PLD5: variants seen among roughly 807,000 people sequenced by gnomAD.
PLD5 encodes the protein inactive phospholipase D5.
PLD5 carries 36 observed loss-of-function variants against 61.1 expected under a neutral mutation model. The observed-to-expected ratio is 0.59, with a 90% CI of 0.45 to 0.78. The LOEUF is 0.78. PLD5 is among the 30% of genes least tolerant of loss of function. The pLI is 0.00. For missense variants in PLD5, 515 were observed against 644.4 expected, an observed-to-expected ratio of 0.80 and a Z score of 2.17; for synonymous variants, 243 against 242.8, an observed-to-expected ratio of 1.00 and a Z score of -0.01.
At chr1:242,247,131 C>G (rs34760105) in intron 4 of PLD5, among the ~76,000 whole-genome samples, 1 of 151,950 alleles carries the variant, frequency 6.6e-6, no homozygotes, top group African/African-American at 2.4e-5. Context: ...CTACAGGCGC[C>G]CGCCACCATG....
intron 1 of PLD5, among the ~76,000 whole-genome samples, chr1:242,450,374 A>G (rs747825936): frequency 6.6e-6 from 1 of 152,180 alleles, no homozygotes; most frequent in Non-Finnish European, 1.5e-5. Context: ...GGCAGCATCT[A>G]TTCCACTCTA....
At chr1:242,227,428 G>A (rs1245310161) in intron 4 of PLD5, among the ~76,000 whole-genome samples, 10 of 152,000 alleles carry the variant, frequency 6.6e-5, no homozygotes, top group African/African-American at 1.4e-4. Context: ...GCAGTGGTGC[G>A]ATCTTGGCTC....
At chr1:242,408,131 A>G (rs1180044984) in intron 1 of PLD5, among the ~76,000 whole-genome samples, 1 of 152,178 alleles carries the variant, frequency 6.6e-6, no homozygotes. Context: ...AAAAGCATAC[A>G]TTGTGTGGAA....
intron 1 of PLD5, among the ~76,000 whole-genome samples, chr1:242,411,906 T>C (rs10926729): frequency 0.44 from 66,143 of 151,370 alleles, 15,817 homozygotes; most frequent in African/African-American, 0.64. Flanking sequence ...AAGAGGTTCT[T>C]GGGAGGTTTA....
chr1:242,405,877 C>T (rs1414380121), intron 1 of PLD5, among the ~76,000 whole-genome samples: 2 of 151,998 alleles, frequency 1.3e-5, no homozygotes, highest in Admixed American at 6.6e-5. Flanking sequence ...GCTGGGATTA[C>T]AGGTGTGAGC....
At chr1:242,100,112 C>G (rs1376943440) in intron 9 of PLD5, among the ~76,000 whole-genome samples, 1 of 152,204 alleles carries the variant, frequency 6.6e-6, no homozygotes, top group African/African-American at 2.4e-5. Context: ...TTTGTCTCTT[C>G]TACACTTCAC....
At chr1:242,458,579 G>A (rs1267303128) in intron 1 of PLD5, among the ~76,000 whole-genome samples, 1 of 152,218 alleles carries the variant, frequency 6.6e-6, no homozygotes, top group African/African-American at 2.4e-5. Context: ...TGGAGAAAGT[G>A]TTATAAGTAA....
intron 1 of PLD5, among the ~76,000 whole-genome samples, chr1:242,481,659 C>G (rs1246789988): frequency 2.6e-5 from 4 of 152,212 alleles, no homozygotes; most frequent in Admixed American, 1.3e-4. Context: ...CAAAAGGCAG[C>G]AGAAACGTCT....
intron 1 of PLD5, among the ~76,000 whole-genome samples, chr1:242,494,491 C>A (rs1377886927): frequency 6.6e-6 from 1 of 152,134 alleles, no homozygotes; most frequent in Non-Finnish European, 1.5e-5. Flanking sequence ...TCTGTCCCTA[C>A]GGCCTGGATC....
intron 2 of PLD5, among the ~76,000 whole-genome samples, chr1:242,295,100 T>G (rs1194988096): frequency 2.6e-5 from 4 of 152,110 alleles, no homozygotes; most frequent in African/African-American, 7.2e-5. Flanking sequence ...CAAAGTCAAG[T>G]GATGGGGTTT....
upstream of PLD5, among the ~76,000 whole-genome samples, chr1:242,525,069 C>T (rs1358661401): frequency 6.6e-6 from 1 of 151,696 alleles, no homozygotes; most frequent in African/African-American, 2.4e-5. Context: ...GCCCCCGGCT[C>T]GCTTGGGCTG....
At chr1:242,129,644 T>C (rs1056048096) in intron 5 of PLD5, among the ~76,000 whole-genome samples, 3 of 152,360 alleles carry the variant, frequency 2.0e-5, no homozygotes, top group Middle Eastern at 3.4e-3. Flanking sequence ...TGACAAATTC[T>C]TAATTTTTAA....
rs542888791 is a variant in PLD5, at chr1:242,194,669, C to T, written c.735+25319G>A. Among the ~76,000 whole-genome samples the T allele has an allele frequency of 4.9e-3, 447 of 91,400 alleles. 3 individuals are homozygous for T. Among genetic ancestry groups the T allele is most frequent in the African/African-American group, 0.015 (417 of 27,188 alleles). 60.0% of individuals were successfully genotyped at this position (91,400 alleles called of 152,430 possible). A position where few individuals can be genotyped will look rare whatever the true frequency, so the allele number is the denominator to read the frequency against. ...ATCTATCTATCTATCTATCTATCTA[C>T]CTATCTATGATAGAATACTACTCAG... On this transcript the variant is annotated intron_variant, in intron 5 of 9. Coordinates refer to ENST00000536534, the MANE Select transcript of PLD5 (RefSeq NM_001372062.1).
At chr1:242,473,009 G>A (rs894024407) in intron 1 of PLD5, among the ~76,000 whole-genome samples, 17 of 151,970 alleles carry the variant, frequency 1.1e-4, no homozygotes, top group African/African-American at 3.9e-4. Flanking sequence ...GAGAAAAAAG[G>A]ACACATAAAA....
intron 9 of PLD5, among the ~76,000 whole-genome samples, chr1:242,096,698 T>C (rs1442813960): frequency 6.8e-6 from 1 of 147,318 alleles, no homozygotes; most frequent in Admixed American, 6.7e-5. Flanking sequence ...TTTTTTTTTT[T>C]AGTCTGCTAA....
At chr1:242,197,642 T>C (rs1042171423) in intron 5 of PLD5, among the ~76,000 whole-genome samples, 1 of 151,740 alleles carries the variant, frequency 6.6e-6, no homozygotes, top group Non-Finnish European at 1.5e-5. Flanking sequence ...ACTTTTTTTT[T>C]TTTTTTTTCT....
At chr1:242,139,077 T>C (rs527494037) in intron 5 of PLD5, among the ~76,000 whole-genome samples, 3 of 152,298 alleles carry the variant, frequency 2.0e-5, no homozygotes, top group Admixed American at 2.0e-4. Flanking sequence ...AAAATCTCAT[T>C]GTTTGATTCA....
chr1:242,113,494 A>G (rs1661705372), intron 7 of PLD5, among the ~76,000 whole-genome samples: 1 of 152,236 alleles, frequency 6.6e-6, no homozygotes, highest in Non-Finnish European at 1.5e-5. Flanking sequence ...AAGTCTGGCA[A>G]GACTACTCTG....
At chr1:242,448,990 T>A (rs1042850821) in intron 1 of PLD5, among the ~76,000 whole-genome samples, 1 of 152,192 alleles carries the variant, frequency 6.6e-6, no homozygotes, top group Non-Finnish European at 1.5e-5. Context: ...AACAGACAAC[T>A]ATTTCTTTGA....
Sources: allele counts gnomAD v4.1 joint callset (sites outside exome capture counted in the v4.1 genomes callset), GRCh38; gene constraint gnomAD v4.1.1; transcripts MANE v1.5; gene names NCBI Gene and HGNC (gene_info 2026-07-23, HGNC 2026-07-21).